KLRG1: variants seen among roughly 807,000 people sequenced by gnomAD.
KLRG1 encodes the protein killer cell lectin like receptor G1.
A neutral mutation model predicts 21.8 loss-of-function variants in KLRG1; 16 were observed. The observed-to-expected ratio is 0.73, with a 90% CI of 0.50 to 1.11. KLRG1 has a LOEUF of 1.11. Among genes scored for constraint, KLRG1 ranks in the 50% most tolerant of loss-of-function variants. KLRG1 has a pLI of 0.00. For synonymous variants in KLRG1, 69 were observed against 75.9 expected (o/e 0.91, Z 0.47); for missense variants, 173 against 218.3 (o/e 0.79, Z 1.31).
chr12:8,982,797 C>G (rs1037052070), intron 1 of KLRG1, among the ~76,000 whole-genome samples: 1 of 152,118 alleles, frequency 6.6e-6, no homozygotes, highest in Non-Finnish European at 1.5e-5. Context: ...AGGCACCTGC[C>G]ACCACGCCTG....
the KLRG1 span, among the ~76,000 whole-genome samples, chr12:9,213,067 G>A: frequency 6.6e-6 from 1 of 152,062 alleles, no homozygotes; most frequent in Non-Finnish European, 1.5e-5. Flanking sequence ...CATAATATAT[G>A]TGGCCTATGT....
chr12:8,976,457 A>G lies in KLRG1; in HGVS notation c.-155-15749A>G, dbSNP rs979869840. Among the ~76,000 whole-genome samples the G allele has an allele frequency of 2.6e-5, 4 of 152,262 alleles. No homozygotes were observed. In the East Asian group the frequency reaches 7.7e-4, roughly 29 times the overall value. ...TCTGTTGTTGGGTGAAAATTTCTGT[A>G]TATATCTGTTGGGTCTATTTGGTCT... On this transcript the variant is annotated intron_variant, in intron 1 of 4. Transcript: ENST00000539240.
intron 3 of KLRG1, among the ~76,000 whole-genome samples, chr12:8,999,994 C>T (rs776641488): frequency 2.0e-5 from 3 of 152,216 alleles, no homozygotes; most frequent in Non-Finnish European, 2.9e-5. Context: ...GAGATCAGGC[C>T]ACTGCACTCC....
At chr12:9,149,065 A>G in the KLRG1 span, 2 of 1,391,978 alleles carry the variant, frequency 1.4e-6, no homozygotes, top group South Asian at 2.3e-5. Context: ...TGTGGGCAGC[A>G]GAGTGAGCTT....
At chr12:9,178,669 C>T in the KLRG1 span, among the ~76,000 whole-genome samples, 4 of 152,246 alleles carry the variant, frequency 2.6e-5, no homozygotes, top group South Asian at 2.1e-4. Context: ...GGCTACAGCA[C>T]GCGATAAGTG....
chr12:9,212,015 G>A, the KLRG1 span, among the ~76,000 whole-genome samples: 2 of 152,174 alleles, frequency 1.3e-5, no homozygotes, highest in African/African-American at 4.8e-5. Context: ...GGCTAGTTAC[G>A]AGATATGTGG....
At chr12:9,188,419 C>T in the KLRG1 span, among the ~76,000 whole-genome samples, 42 of 152,292 alleles carry the variant, frequency 2.8e-4, no homozygotes, top group Middle Eastern at 6.8e-3. Context: ...CAACATCATA[C>T]TGAATGGGCA....
At chr12:9,074,725 G>T in the KLRG1 span, 1 of 1,613,878 alleles carries the variant, frequency 6.2e-7, no homozygotes. Flanking sequence ...CCTGGGGTTC[G>T]TAAAAATGCC....
chr12:9,150,079 A>G, the KLRG1 span, among the ~76,000 whole-genome samples: 1 of 152,134 alleles, frequency 6.6e-6, no homozygotes, highest in Non-Finnish European at 1.5e-5. Context: ...TTGCCTCTCA[A>G]ACTTATTGCT....
At chr12:9,086,549 C>T in the KLRG1 span, among the ~76,000 whole-genome samples, 6 of 152,192 alleles carry the variant, frequency 3.9e-5, no homozygotes, top group Non-Finnish European at 7.4e-5. Context: ...ACCATACCAT[C>T]ATCTTGTTAG....
chr12:9,112,621 C>G, the KLRG1 span: 2 of 1,463,888 alleles, frequency 1.4e-6, no homozygotes, highest in Non-Finnish European at 1.9e-6. Context: ...CCCTGGAGAT[C>G]TTGCCCTTCT....
the KLRG1 span, among the ~76,000 whole-genome samples, chr12:9,046,878 G>A: frequency 6.6e-6 from 1 of 151,788 alleles, no homozygotes. Context: ...TTTATGAGAC[G>A]GAGTCTTACC....
chr12:9,116,454 T>C, the KLRG1 span, among the ~76,000 whole-genome samples: 3 of 152,220 alleles, frequency 2.0e-5, no homozygotes, highest in Admixed American at 1.3e-4. Context: ...AGCCAGGCCC[T>C]GGAAGAATGA....
the KLRG1 span, among the ~76,000 whole-genome samples, chr12:9,124,140 C>CATGT: frequency 6.6e-6 from 1 of 152,290 alleles, no homozygotes; most frequent in Non-Finnish European, 1.5e-5. Context: ...GTGTAACAGA[C>CATGT]ATGTATGTGA....
chr12:8,992,411 A>C (rs1946998917), intron 2 of KLRG1, 101 bp downstream of exon 2: 1 of 768,998 alleles, frequency 1.3e-6, no homozygotes, highest in Non-Finnish European at 2.1e-6. Flanking sequence ...TTCAAACAAA[A>C]TAACTCTCCA....
At chr12:9,198,465 T>TA in the KLRG1 span, among the ~76,000 whole-genome samples, 1 of 152,102 alleles carries the variant, frequency 6.6e-6, no homozygotes, top group African/African-American at 2.4e-5. Context: ...ATGAATTGAA[T>TA]AAAAATAAGT....
At chr12:9,019,356 A>G in the KLRG1 span, among the ~76,000 whole-genome samples, 1 of 152,220 alleles carries the variant, frequency 6.6e-6, no homozygotes, top group African/African-American at 2.4e-5. Context: ...GGACAACAAT[A>G]TGTAGTTTCC....
chr12:9,111,311 C>G, the KLRG1 span, among the ~76,000 whole-genome samples: 3 of 152,052 alleles, frequency 2.0e-5, no homozygotes, highest in Admixed American at 6.6e-5. Context: ...TTTTAAAAAT[C>G]AATACGTATA....
the KLRG1 span, chr12:9,080,077 A>G: frequency 6.5e-7 from 1 of 1,542,148 alleles, no homozygotes; most frequent in Non-Finnish European, 8.8e-7. Flanking sequence ...CGGATCCACT[A>G]GGGGCTGGAG....
Sources: gnomAD v4.1 joint callset for allele counts (sites outside exome capture counted in the v4.1 genomes callset) on GRCh38, gnomAD v4.1.1 for gene constraint, MANE v1.5 for transcripts, NCBI Gene and HGNC (gene_info 2026-07-23, HGNC 2026-07-21) for gene names.